Variants in SPMIP7 observed in about 807,000 individuals in gnomAD.
SPMIP7 encodes protein SPMIP7.
At chr7:50,114,099 AT>A in the SPMIP7 span, among the ~76,000 whole-genome samples, 1 of 152,130 alleles carries the variant, frequency 6.6e-6, no homozygotes, top group South Asian at 2.1e-4. Flanking sequence ...AAATAGAAAC[AT>A]TTTTTGTAAA....
the SPMIP7 span, among the ~76,000 whole-genome samples, chr7:50,106,030 T>G: frequency 6.6e-6 from 1 of 152,244 alleles, no homozygotes. Context: ...ATTAGCATAT[T>G]TATTTAAATC....
At chr7:50,147,619 T>A in the SPMIP7 span, among the ~76,000 whole-genome samples, 1 of 152,236 alleles carries the variant, frequency 6.6e-6, no homozygotes, top group Non-Finnish European at 1.5e-5. Flanking sequence ...ATTCTACGTA[T>A]AACATGGTTT....
At chr7:50,102,496 T>C in the SPMIP7 span, among the ~76,000 whole-genome samples, 1 of 152,182 alleles carries the variant, frequency 6.6e-6, no homozygotes, top group Admixed American at 6.5e-5. Flanking sequence ...TCCTAGAGGC[T>C]ACCCATATCC....
chr7:50,146,998 A>G, the SPMIP7 span, among the ~76,000 whole-genome samples: 1 of 151,952 alleles, frequency 6.6e-6, no homozygotes, highest in Non-Finnish European at 1.5e-5. Flanking sequence ...GTCTAAGTTC[A>G]CACAGCTGGT....
chr7:50,131,488 G>A, the SPMIP7 span, among the ~76,000 whole-genome samples: 1 of 152,178 alleles, frequency 6.6e-6, no homozygotes, highest in Admixed American at 6.6e-5. Flanking sequence ...CAACCGGGGT[G>A]TCATGGCTTG....
the SPMIP7 span, chr7:50,134,332 T>TG: frequency 9.1e-6 from 11 of 1,211,108 alleles, no homozygotes; most frequent in African/African-American, 1.5e-5. Context: ...ATACTTATTT[T>TG]ATTGTTAACA....
At chr7:50,102,806 A>T in the SPMIP7 span, among the ~76,000 whole-genome samples, 1 of 152,004 alleles carries the variant, frequency 6.6e-6, no homozygotes, top group East Asian at 1.9e-4. Context: ...TTGAGCACTT[A>T]AACTACATGC....
chr7:50,149,920 T>C, the SPMIP7 span, among the ~76,000 whole-genome samples: 1 of 152,120 alleles, frequency 6.6e-6, no homozygotes, highest in African/African-American at 2.4e-5. Context: ...TTGGTATCAC[T>C]ACCCGGGGTC....
chr7:50,104,581 A>G, the SPMIP7 span, among the ~76,000 whole-genome samples: 10 of 152,076 alleles, frequency 6.6e-5, no homozygotes, highest in Non-Finnish European at 1.5e-4. Context: ...GACCCTTGCA[A>G]TCAATGTCTA....
the SPMIP7 span, among the ~76,000 whole-genome samples, chr7:50,139,981 A>G: frequency 6.6e-6 from 1 of 152,214 alleles, no homozygotes; most frequent in East Asian, 1.9e-4. Flanking sequence ...AGCAAACTAC[A>G]TCCTTAAATA....
the SPMIP7 span, among the ~76,000 whole-genome samples, chr7:50,116,176 C>T: frequency 6.6e-6 from 1 of 152,108 alleles, no homozygotes; most frequent in Non-Finnish European, 1.5e-5. Flanking sequence ...AGTGTAGTGG[C>T]GTGATCACAG....
chr7:50,136,036 T>G, the SPMIP7 span: 1 of 1,261,624 alleles, frequency 7.9e-7, no homozygotes, highest in Non-Finnish European at 1.1e-6. Flanking sequence ...GGGACAGGAG[T>G]TTATCCACCA....
At chr7:50,109,733 A>G in the SPMIP7 span, among the ~76,000 whole-genome samples, 466 of 152,284 alleles carry the variant, frequency 3.1e-3, 5 homozygotes, top group Middle Eastern at 0.01. Context: ...CAAAGAGATT[A>G]TATATTTTTA....
the SPMIP7 span, among the ~76,000 whole-genome samples, chr7:50,111,048 T>G: frequency 6.9e-6 from 1 of 145,608 alleles, no homozygotes; most frequent in East Asian, 2.0e-4. Flanking sequence ...TTATTATATA[T>G]GATGTTATAT....
the SPMIP7 span, among the ~76,000 whole-genome samples, chr7:50,145,604 G>GTGTA: frequency 0.082 from 4,132 of 50,506 alleles, 662 homozygotes; most frequent in Non-Finnish European, 0.13. Flanking sequence ...GTGTGTGTGT[G>GTGTA]TGTATATGTG....
the SPMIP7 span, among the ~76,000 whole-genome samples, chr7:50,139,349 CAA>C: frequency 2.2e-4 from 21 of 96,462 alleles, no homozygotes; most frequent in East Asian, 3.2e-4. Context: ...GGCACCATCT[CAA>C]AAAAAAAAAA....
chr7:50,113,300 A>C, the SPMIP7 span, among the ~76,000 whole-genome samples: 1 of 152,070 alleles, frequency 6.6e-6, no homozygotes, highest in Non-Finnish European at 1.5e-5. Context: ...CTCAGTTTAA[A>C]AAATAAAATG....
At chr7:50,137,947 TTTTTA>T in the SPMIP7 span, among the ~76,000 whole-genome samples, 7 of 152,174 alleles carry the variant, frequency 4.6e-5, no homozygotes, top group African/African-American at 1.7e-4. Context: ...GTCTGTGACT[TTTTTA>T]TTTTAAGACT....
the SPMIP7 span, among the ~76,000 whole-genome samples, chr7:50,115,791 T>C: frequency 1.3e-5 from 2 of 152,222 alleles, no homozygotes; most frequent in East Asian, 1.9e-4. Context: ...TCTCAAGATA[T>C]GAAAAAAAAT....
Sources: allele counts gnomAD v4.1 joint callset (sites outside exome capture counted in the v4.1 genomes callset), GRCh38; gene constraint gnomAD v4.1.1; transcripts MANE v1.5; gene names NCBI Gene and HGNC (gene_info 2026-07-23, HGNC 2026-07-21).